The following DPF3 variants were observed in gnomAD, a reference collection of about 807,000 sequenced individuals.
DPF3 encodes double PHD fingers 3.
DPF3 carries 18 observed loss-of-function variants against 56.8 expected under a neutral mutation model. The ratio of observed to expected loss-of-function variants is 0.32; its 90% CI spans 0.22 to 0.47. The LOEUF is 0.47. Ranked by LOEUF, DPF3 falls within the 20% of genes least tolerant of loss-of-function variation. The pLI, the probability that DPF3 is intolerant of heterozygous loss-of-function variation, is 1.00. For missense variants in DPF3, 403 were observed against 488.8 expected, an observed-to-expected ratio of 0.82 and a Z score of 1.65; for synonymous variants, 188 against 180.2, an observed-to-expected ratio of 1.04 and a Z score of -0.35.
chr14:72,856,114 G>A (rs1457823239), intron 1 of DPF3, among the ~76,000 whole-genome samples: 1 of 152,200 alleles, frequency 6.6e-6, no homozygotes, highest in Non-Finnish European at 1.5e-5. Flanking sequence ...ATAGCTTTGG[G>A]CAGGGCACTT....
rs1404526154 is a variant in DPF3 at position 72,616,103 on chromosome 14, T to C, written c.*3194A>G. Among the ~76,000 whole-genome samples the C allele has an allele frequency of 6.6e-6, 1 of 152,188 alleles. No individual in the cohort carries two copies. The highest frequency in any genetic ancestry group is 2.4e-5 in the African/African-American group (1 of 41,440). On this transcript the variant is annotated 3_prime_UTR_variant, in exon 11 of 11. Transcript: ENST00000556509. ...TCATGCCAGACCCGGGCCAGGATCT[T>C]TACCAATGTCACCTTGAATACCTGC...
At chr14:72,873,258 C>T (rs1370805603) in intron 1 of DPF3, among the ~76,000 whole-genome samples, 9 of 152,080 alleles carry the variant, frequency 5.9e-5, no homozygotes, top group East Asian at 3.9e-4. Flanking sequence ...AACAAGTGGG[C>T]GAAGGATATA....
intron 6 of DPF3, among the ~76,000 whole-genome samples, chr14:72,696,263 T>G (rs945650833): frequency 6.6e-6 from 1 of 152,248 alleles, no homozygotes; most frequent in Non-Finnish European, 1.5e-5. Flanking sequence ...ATCATCACTG[T>G]TGCTTAATCA....
At chr14:72,654,335 C>T (rs1250799580) in intron 8 of DPF3, among the ~76,000 whole-genome samples, 1 of 152,100 alleles carries the variant, frequency 6.6e-6, no homozygotes, top group Non-Finnish European at 1.5e-5. Flanking sequence ...TTTGTCTACC[C>T]CAACTCTATG....
intron 6 of DPF3, among the ~76,000 whole-genome samples, chr14:72,706,111 G>C (rs1480744207): frequency 6.6e-6 from 1 of 152,188 alleles, no homozygotes; most frequent in Admixed American, 6.5e-5. Context: ...GGGAGTTAAA[G>C]AGTTAATATA....
chr14:72,734,735 A>G (rs79069522), intron 3 of DPF3, among the ~76,000 whole-genome samples: 3,327 of 152,208 alleles, frequency 0.022, 148 homozygotes, highest in East Asian at 0.16. Context: ...AGTAACCACC[A>G]ACAGCCACAC....
chr14:72,747,712 G>C (rs578259524), intron 3 of DPF3, among the ~76,000 whole-genome samples: 1 of 151,898 alleles, frequency 6.6e-6, no homozygotes, highest in South Asian at 2.1e-4. Flanking sequence ...TAATTCCCAC[G>C]TGGGAGGGAC....
intron 6 of DPF3, among the ~76,000 whole-genome samples, chr14:72,705,496 G>T (rs1888362394): frequency 6.6e-6 from 1 of 152,046 alleles, no homozygotes; most frequent in African/African-American, 2.4e-5. Flanking sequence ...CCCAAAACCT[G>T]CCCTCCGCCC....
chr14:72,820,038 G>A (rs183256980), intron 1 of DPF3, among the ~76,000 whole-genome samples: 127 of 152,234 alleles, frequency 8.3e-4, no homozygotes, highest in Middle Eastern at 3.4e-3. Context: ...AGTACAAAGA[G>A]GCACTAAGGA....
chr14:72,864,236 C>T (rs928159379), intron 1 of DPF3, among the ~76,000 whole-genome samples: 3 of 152,074 alleles, frequency 2.0e-5, no homozygotes, highest in Admixed American at 2.0e-4. Context: ...CTCCTCCCGA[C>T]AAATGCCTCT....
chr14:72,881,294 CTGTTGTTGTTGTTGTTGT>C (rs10545910), intron 1 of DPF3, among the ~76,000 whole-genome samples: 158 of 151,146 alleles, frequency 1.0e-3, no homozygotes, highest in African/African-American at 3.3e-3. Context: ...AAATTCAGAG[CTGTTGTTGTTGTTGTTGT>C]TGTTGTTGTT....
chr14:72,610,120 G>C lies in DPF3; in HGVS notation c.*9177C>G, dbSNP rs1883636989. 6.6e-6 allele frequency among the ~76,000 whole-genome samples: 1 copy of C among 152,206 alleles called. No homozygotes were observed. On this transcript the variant is annotated 3_prime_UTR_variant, in exon 11 of 11. Transcript: ENST00000556509. Reference sequence around the variant, plus strand: ...TTTGGAATGATGGGGATAAAATGTTGCAGTGGCTTCCCTCTCTGGTGCCCA... The same window carrying C: ...TTTGGAATGATGGGGATAAAATGTTCCAGTGGCTTCCCTCTCTGGTGCCCA...
chr14:72,671,485 G>T, intron 8 of DPF3: 1 of 1,134,554 alleles, frequency 8.8e-7, no homozygotes, highest in Non-Finnish European at 1.3e-6. Flanking sequence ...GCATCACCTG[G>T]TGACGGGGAT....
chr14:72,777,396 G>A (rs1891787427), intron 1 of DPF3, among the ~76,000 whole-genome samples: 1 of 152,158 alleles, frequency 6.6e-6, no homozygotes, highest in African/African-American at 2.4e-5. Context: ...TCCTTGAAGT[G>A]GTCCTGTTCC....
At chr14:72,627,855 A>G (rs1884925169) in intron 9 of DPF3, among the ~76,000 whole-genome samples, 1 of 152,050 alleles carries the variant, frequency 6.6e-6, no homozygotes, top group African/African-American at 2.4e-5. Flanking sequence ...TAGGTTTTGC[A>G]CATTTGTTGT....
At chr14:72,812,871 G>A (rs557375523) in intron 1 of DPF3, among the ~76,000 whole-genome samples, 4 of 152,298 alleles carry the variant, frequency 2.6e-5, no homozygotes, top group Non-Finnish European at 4.4e-5. Context: ...TGGCGGGTGA[G>A]GCTCCCTGAG....
At chr14:72,872,911 T>A (rs1214355792) in intron 1 of DPF3, among the ~76,000 whole-genome samples, 2 of 152,178 alleles carry the variant, frequency 1.3e-5, no homozygotes, top group South Asian at 2.1e-4. Flanking sequence ...CACCTTATAC[T>A]AAAATTAATT....
At chr14:72,809,816 C>T (rs78627435) in intron 1 of DPF3, among the ~76,000 whole-genome samples, 4,708 of 152,266 alleles carry the variant, frequency 0.031, 108 homozygotes, top group Middle Eastern at 0.065. Flanking sequence ...ACCCCTTGAG[C>T]GCCCTGTGGA....
At chr14:72,822,104 C>A (rs1247106990) in intron 1 of DPF3, among the ~76,000 whole-genome samples, 1 of 152,176 alleles carries the variant, frequency 6.6e-6, no homozygotes, top group East Asian at 1.9e-4. Flanking sequence ...ATGTCCTAGG[C>A]TGGGCGCAGT....
Sources: gnomAD v4.1 joint callset for allele counts (sites outside exome capture counted in the v4.1 genomes callset) on GRCh38, gnomAD v4.1.1 for gene constraint, MANE v1.5 for transcripts, NCBI Gene and HGNC (gene_info 2026-07-23, HGNC 2026-07-21) for gene names.